Variants in ERC1 observed in about 807,000 individuals in gnomAD.
The protein encoded by ERC1 is RAB6 interacting protein 2.
In ERC1, 56 loss-of-function variants were observed where a neutral mutation model predicts 132.0. That is an observed-to-expected ratio of 0.42 (90% CI 0.34 to 0.53). The LOEUF (loss-of-function observed/expected upper bound fraction) is 0.53, where lower values mean the gene tolerates loss of function less well. Among genes scored for constraint, ERC1 ranks in the 20% least tolerant of loss-of-function variants. ERC1 has a pLI of 0.03. For synonymous variants in ERC1, 478 were observed against 476.1 expected (o/e 1.00, Z -0.05); for missense variants, 1,202 against 1,349.9 (o/e 0.89, Z 1.72).
chr12:1,459,924 A>G (rs112918008), intron 18 of ERC1, among the ~76,000 whole-genome samples: 2,539 of 152,310 alleles, frequency 0.017, 69 homozygotes, highest in African/African-American at 0.059. Flanking sequence ...AGTGATATAG[A>G]TAGAGATACA....
chr12:1,311,610 G>T (rs188015078), intron 15 of ERC1, among the ~76,000 whole-genome samples: 56 of 152,098 alleles, frequency 3.7e-4, no homozygotes, highest in African/African-American at 1.2e-3. Context: ...CTATGTATGT[G>T]AAGTGGTAAT....
intron 13 of ERC1, among the ~76,000 whole-genome samples, chr12:1,241,773 T>C (rs2075807028): frequency 1.3e-5 from 2 of 151,274 alleles, no homozygotes; most frequent in Admixed American, 6.6e-5. Flanking sequence ...TGCTACATAA[T>C]CACACAGAAG....
At chr12:1,232,440 C>G (rs1204384139) in intron 12 of ERC1, among the ~76,000 whole-genome samples, 9 of 152,158 alleles carry the variant, frequency 5.9e-5, no homozygotes, top group Admixed American at 5.9e-4. Context: ...AATGCACATG[C>G]TCATTCATTT....
At chr12:1,238,641 A>AT (rs2075587624) in intron 13 of ERC1, among the ~76,000 whole-genome samples, 1 of 152,066 alleles carries the variant, frequency 6.6e-6, no homozygotes, top group East Asian at 1.9e-4. Flanking sequence ...GAAAGTATTT[A>AT]TTTTATGATA....
intron 2 of ERC1, among the ~76,000 whole-genome samples, chr12:1,054,883 G>T (rs1484944373): frequency 6.6e-6 from 1 of 152,130 alleles, no homozygotes; most frequent in African/African-American, 2.4e-5. Context: ...TACCGTGTGT[G>T]ATTTTATAAA....
At chr12:1,318,125 T>C (rs75974566) in intron 15 of ERC1, among the ~76,000 whole-genome samples, 3,848 of 152,330 alleles carry the variant, frequency 0.025, 76 homozygotes, top group South Asian at 0.08. Flanking sequence ...TATTTTAAGA[T>C]TTGTTTATCA....
intron 12 of ERC1, among the ~76,000 whole-genome samples, chr12:1,198,886 C>T (rs1258223207): frequency 2.0e-5 from 3 of 149,714 alleles, no homozygotes; most frequent in Non-Finnish European, 4.4e-5. Context: ...TGACAAACCA[C>T]CGTCATGATC....
chr12:1,389,255 A>G (rs943139957), intron 16 of ERC1, among the ~76,000 whole-genome samples: 1 of 152,234 alleles, frequency 6.6e-6, no homozygotes, highest in Non-Finnish European at 1.5e-5. Flanking sequence ...AAATAGATAC[A>G]TCAAGAAAGC....
At chr12:1,032,656 T>A (rs906669624) in intron 2 of ERC1, among the ~76,000 whole-genome samples, 1 of 152,176 alleles carries the variant, frequency 6.6e-6, no homozygotes, top group African/African-American at 2.4e-5. Context: ...TTGTGAATCA[T>A]TGATGCACCA....
intron 7 of ERC1, among the ~76,000 whole-genome samples, chr12:1,132,932 T>C (rs1948903314): frequency 6.6e-6 from 1 of 151,974 alleles, no homozygotes; most frequent in South Asian, 2.1e-4. Flanking sequence ...CTTGGCTCAC[T>C]GCAACCTCCG....
intron 15 of ERC1, among the ~76,000 whole-genome samples, chr12:1,297,571 A>T (rs1025142022): frequency 2.0e-5 from 3 of 148,796 alleles, no homozygotes; most frequent in African/African-American, 7.4e-5. Flanking sequence ...TTAGCTGAGG[A>T]TGGTGGCTCA....
intron 7 of ERC1, chr12:1,116,237 GTTTATGTTTTTAA>G (rs1172387405): frequency 7.7e-5 from 33 of 430,250 alleles, no homozygotes; most frequent in Non-Finnish European, 4.1e-6. Flanking sequence ...AACAGGTGCA[GTTTATGTTTTTAA>G]TTCTTTAAAC....
At chr12:1,015,854 AT>A (rs1287748689) in intron 1 of ERC1, among the ~76,000 whole-genome samples, 1 of 152,226 alleles carries the variant, frequency 6.6e-6, no homozygotes, top group African/African-American at 2.4e-5. Flanking sequence ...TTTGAGATTT[AT>A]GTGAGAATTT....
chr12:1,315,541 G>A (rs1376212941), intron 15 of ERC1, among the ~76,000 whole-genome samples: 2 of 152,040 alleles, frequency 1.3e-5, no homozygotes, highest in African/African-American at 2.4e-5. Flanking sequence ...AGTAGAGACG[G>A]GGTTTCACCA....
chr12:1,291,704 G>A (rs540784594), intron 15 of ERC1, among the ~76,000 whole-genome samples: 18 of 152,312 alleles, frequency 1.2e-4, no homozygotes, highest in Non-Finnish European at 2.5e-4. Context: ...ATCAAGCCAA[G>A]AGAAATGATT....
chr12:1,205,395 ATC>A (rs1957264646), intron 12 of ERC1, among the ~76,000 whole-genome samples: 4 of 144,436 alleles, frequency 2.8e-5, no homozygotes, highest in African/African-American at 1.0e-4. Flanking sequence ...ATATATATAT[ATC>A]TGTGTGTGTG....
chr12:1,356,215 T>A (rs1485257870), intron 15 of ERC1, among the ~76,000 whole-genome samples: 6 of 55,338 alleles, frequency 1.1e-4, no homozygotes, highest in Non-Finnish European at 1.7e-4. Flanking sequence ...AAAAAAAAAG[T>A]GTGTGTGTGT....
At chr12:1,343,480 G>A (rs74057145) in intron 15 of ERC1, among the ~76,000 whole-genome samples, 1 of 152,092 alleles carries the variant, frequency 6.6e-6, no homozygotes, top group Non-Finnish European at 1.5e-5. Context: ...CAGGAATATC[G>A]TATCTAGTAC....
At chr12:1,274,459 C>T (rs1447996760) in intron 14 of ERC1, among the ~76,000 whole-genome samples, 29 of 149,576 alleles carry the variant, frequency 1.9e-4, no homozygotes, top group Non-Finnish European at 1.9e-4. Context: ...GAAAGCATCT[C>T]GTCTATTTTA....
Sources: allele counts gnomAD v4.1 joint callset (sites outside exome capture counted in the v4.1 genomes callset), GRCh38; gene constraint gnomAD v4.1.1; transcripts MANE v1.5; gene names NCBI Gene and HGNC (gene_info 2026-07-23, HGNC 2026-07-21).